Variants in SEMA5B observed in about 807,000 individuals in gnomAD.
The protein encoded by SEMA5B is semaphorin 5B.
Under a neutral mutation model 135.0 loss-of-function variants are expected in SEMA5B, and 66 were observed. The ratio of observed to expected loss-of-function variants is 0.49; its 90% CI spans 0.40 to 0.60. The LOEUF is 0.60. Ranked by LOEUF, SEMA5B falls within the 20% of genes least tolerant of loss-of-function variation. The pLI, the probability that SEMA5B is intolerant of heterozygous loss-of-function variation, is 0.00. For synonymous variants in SEMA5B, 690 were observed against 639.5 expected (o/e 1.08, Z -1.19); for missense variants, 1,501 against 1,566.3 (o/e 0.96, Z 0.70).
chr3:122,911,019 T>G lies in SEMA5B; in HGVS notation c.3118A>C (p.Thr1040Pro). The change falls in exon 22 of 23, where the codon ACG becomes CCG. Residue 1040 changes from threonine (T) to proline (P), a missense_variant. This residue lies in a region of SEMA5B where 927 missense variants were observed against 881.6 expected (regional missense o/e 1.05). Coordinates refer to ENST00000357599, the MANE Select transcript of SEMA5B (RefSeq NM_001031702.4). Reference sequence around the variant, plus strand: ...GAGCCCAAGAAGCAGGAGATGCCCGTGGCCACCAAGTGGATGAGATTGAAC... The same window carrying G: ...GAGCCCAAGAAGCAGGAGATGCCCGGGGCCACCAAGTGGATGAGATTGAAC... ...AGFNLIHLVA[T>P]GISCFLGSGL... is the part of the protein sequence containing the mutation. 1 of 1,613,546 alleles carries G rather than the reference T, an allele frequency of 6.2e-7. No individual in the cohort carries two copies.
chr3:122,988,911 G>A (rs1436128738), intron 1 of SEMA5B, among the ~76,000 whole-genome samples: 1 of 152,210 alleles, frequency 6.6e-6, no homozygotes, highest in African/African-American at 2.4e-5. Context: ...ATGAATGCAG[G>A]CATGAATGCA....
chr3:122,922,228 G>C lies in SEMA5B; in HGVS notation c.1480+12C>G. 1 of 1,605,536 alleles carries C rather than the reference G, an allele frequency of 6.2e-7. No homozygotes were observed. The highest frequency in any genetic ancestry group is 8.5e-7 in the Non-Finnish European group (1 of 1,173,664). The stretch of plus-strand genomic sequence containing the variant: ...CCCGACCTGCAGTCCAGGTTGGACC[G>C]GGCCGGCTCACCGGTGCCAATGTAG... On this transcript the variant is annotated intron_variant, in intron 11 of 22. Coordinates refer to ENST00000357599, the MANE Select transcript of SEMA5B (RefSeq NM_001031702.4).
chr3:123,015,296 G>T (rs73195644), intron 1 of SEMA5B, among the ~76,000 whole-genome samples: 38 of 152,198 alleles, frequency 2.5e-4, no homozygotes, highest in Non-Finnish European at 4.3e-4. Flanking sequence ...GGCTGAGTGC[G>T]TTATGTTAAA....
chr3:123,011,913 C>A (rs1942445556), intron 1 of SEMA5B, among the ~76,000 whole-genome samples: 1 of 152,216 alleles, frequency 6.6e-6, no homozygotes, highest in Non-Finnish European at 1.5e-5. Flanking sequence ...AACATCCCTG[C>A]AGGAAACTCT....
At position 122,983,716 on chromosome 3, in the gene SEMA5B, C is replaced by CAAAAA. The variant is rs57975297; in HGVS notation, c.-38-22420_-38-22416dup. Among the ~76,000 whole-genome samples the CAAAAA allele has an allele frequency of 1.7e-4, 9 of 53,432 alleles. 1 individual carries two copies. Among genetic ancestry groups the CAAAAA allele is most frequent in the African/African-American group, 5.6e-4 (9 of 16,110 alleles). 35.1% of individuals were successfully genotyped at this position (53,432 alleles called of 152,430 possible). On this transcript the variant is annotated intron_variant, in intron 1 of 22. Coordinates refer to ENST00000357599, the MANE Select transcript of SEMA5B (RefSeq NM_001031702.4). ...CTGGGCGACAGAGCGAGACTCGTCTCAAAAAAAAAAAAAAAAAAAAAAAAA... is the reference window on the plus strand; with the variant it reads ...CTGGGCGACAGAGCGAGACTCGTCTCAAAAAAAAAAAAAAAAAAAAAAAAAAAAAA...
intron 20 of SEMA5B, 38 bp from the exon 21 acceptor site, chr3:122,911,573 G>A (rs1184504920): frequency 6.3e-7 from 1 of 1,592,972 alleles, no homozygotes; most frequent in African/African-American, 1.3e-5. Context: ...CAGGGGCGGA[G>A]ACGAGAGGAG....
chr3:122,966,553 TATTATTA>T (rs1560378721), intron 1 of SEMA5B, among the ~76,000 whole-genome samples: 1 of 147,706 alleles, frequency 6.8e-6, no homozygotes, highest in African/African-American at 2.6e-5. Context: ...TTATTATTAT[TATTATTA>T]TTATTATTTT....
chr3:122,952,665 C>T (rs944301812), intron 2 of SEMA5B, among the ~76,000 whole-genome samples: 2 of 152,212 alleles, frequency 1.3e-5, no homozygotes, highest in Non-Finnish European at 1.5e-5. Flanking sequence ...CTTTTGCCCT[C>T]TGACACTTAT....
intron 5 of SEMA5B, among the ~76,000 whole-genome samples, chr3:122,929,684 C>T (rs1938854688): frequency 6.6e-6 from 1 of 152,134 alleles, no homozygotes; most frequent in Non-Finnish European, 1.5e-5. Context: ...TAGGACTTCC[C>T]CTTTCCTAAT....
intron 2 of SEMA5B, among the ~76,000 whole-genome samples, chr3:122,957,441 C>A (rs114132409): frequency 0.025 from 3,862 of 152,348 alleles, 72 homozygotes; most frequent in South Asian, 0.061. Flanking sequence ...CAGAGCTGCA[C>A]CCAGGCAGGA....
intron 1 of SEMA5B, among the ~76,000 whole-genome samples, chr3:123,014,010 C>T (rs1305238234): frequency 6.6e-6 from 1 of 152,216 alleles, no homozygotes; most frequent in Non-Finnish European, 1.5e-5. Context: ...TGGTGAGAGG[C>T]CTACAGAAGC....
intron 1 of SEMA5B, among the ~76,000 whole-genome samples, chr3:122,978,467 T>A (rs371809601): frequency 6.6e-6 from 1 of 152,240 alleles, no homozygotes; most frequent in African/African-American, 2.4e-5. Context: ...AAGCCCATGA[T>A]GACAGAGCTA....
chr3:122,910,192 C>G lies in SEMA5B; in HGVS notation c.3407G>C (p.Ser1136Thr). The G allele has an allele frequency of 6.2e-7, 1 of 1,614,240 alleles. No homozygotes were observed. The highest frequency in any genetic ancestry group is 1.1e-5 in the South Asian group (1 of 91,086). The change falls in exon 23 of 23, where the codon AGC becomes ACC. Residue 1136 changes from serine to threonine, a missense_variant. Around this residue, in one of 2 missense-constraint regions of SEMA5B, gnomAD observed 927 missense variants for 881.6 expected, o/e 1.05. Transcript: ENST00000357599. The part of the protein sequence containing the change: ...TYYPSPLNKH[S>T]FRPEASPGQR... ...TCCAGGTGAGGCCTCGGGCCGGAAG[C>G]TGTGTTTGTTCAGGGGGCTTGGGTA...
intron 1 of SEMA5B, among the ~76,000 whole-genome samples, chr3:122,995,486 C>T (rs775670240): frequency 3.9e-5 from 6 of 152,234 alleles, no homozygotes; most frequent in Admixed American, 6.5e-5. Context: ...AATCATGGGT[C>T]AGCCACAGAG....
intron 1 of SEMA5B, among the ~76,000 whole-genome samples, chr3:122,984,391 C>T (rs1255484091): frequency 6.6e-6 from 1 of 152,238 alleles, no homozygotes; most frequent in Non-Finnish European, 1.5e-5. Flanking sequence ...AGAAGGAGAG[C>T]ATCTGGGTTT....
At chr3:122,990,737 T>C (rs1042101625) in intron 1 of SEMA5B, among the ~76,000 whole-genome samples, 5 of 152,194 alleles carry the variant, frequency 3.3e-5, no homozygotes, top group African/African-American at 7.2e-5. Flanking sequence ...GGGGTTCTGA[T>C]AACAAGAAAC....
At position 122,909,957 on chromosome 3, in the gene SEMA5B, A is replaced by T; in HGVS notation, c.*186T>A. ...ACCTGCGGCCATATGTCAGCCTGAA[A>T]CCAGCCCTTTCCCCCATGGTCAATG... On this transcript the variant is annotated 3_prime_UTR_variant, in exon 23 of 23. Coordinates refer to ENST00000357599, the MANE Select transcript of SEMA5B (RefSeq NM_001031702.4). 1.6e-6 allele frequency: 1 copy of T among 624,808 alleles called. No homozygotes were observed. Among genetic ancestry groups the T allele is most frequent in the East Asian group, 2.8e-5 (1 of 35,562 alleles). The allele number at this position is 624,808 out of a possible 1,614,324, so 38.7% of individuals were successfully genotyped here.
At chr3:122,963,249 C>A (rs1327043002) in intron 1 of SEMA5B, among the ~76,000 whole-genome samples, 1 of 152,186 alleles carries the variant, frequency 6.6e-6, no homozygotes, top group Non-Finnish European at 1.5e-5. Flanking sequence ...GTAATCCCAG[C>A]ACTTTGGGAG....
chr3:122,950,999 T>C (rs1940022408), intron 2 of SEMA5B, among the ~76,000 whole-genome samples: 1 of 152,180 alleles, frequency 6.6e-6, no homozygotes, highest in Non-Finnish European at 1.5e-5. Context: ...AGTGGCACGA[T>C]CATGGCTCAC....
Sources: allele counts gnomAD v4.1 joint callset (sites outside exome capture counted in the v4.1 genomes callset), GRCh38; gene constraint gnomAD v4.1.1; regional missense constraint gnomAD v4.1.1; transcripts MANE v1.5; gene names NCBI Gene and HGNC (gene_info 2026-07-23, HGNC 2026-07-21).